CTNNA3: variants seen among roughly 807,000 people sequenced by gnomAD.
The protein encoded by CTNNA3 is catenin alpha 3.
Under a neutral mutation model 95.7 loss-of-function variants are expected in CTNNA3, and 76 were observed. The ratio of observed to expected loss-of-function variants is 0.79; its 90% CI spans 0.66 to 0.96. The LOEUF (loss-of-function observed/expected upper bound fraction) is 0.96, where lower values mean the gene tolerates loss of function less well. Ranked by LOEUF, CTNNA3 falls within the 40% of genes least tolerant of loss-of-function variation. The pLI, the probability that CTNNA3 is intolerant of heterozygous loss-of-function variation, is 0.00. For synonymous variants in CTNNA3, 431 were observed against 374.4 expected (o/e 1.15, Z -1.74); for missense variants, 1,191 against 1,089.8 (o/e 1.09, Z -1.31).
chr10:66,734,355 T>G (rs1318351659), intron 9 of CTNNA3, among the ~76,000 whole-genome samples: 1 of 152,116 alleles, frequency 6.6e-6, no homozygotes, highest in African/African-American at 2.4e-5. Flanking sequence ...CTTCCAGAAC[T>G]ATATAAAATA....
At chr10:66,738,561 G>A (rs1849223413) in intron 9 of CTNNA3, among the ~76,000 whole-genome samples, 1 of 152,156 alleles carries the variant, frequency 6.6e-6, no homozygotes, top group African/African-American at 2.4e-5. Flanking sequence ...TGTTTGCAAT[G>A]TTAGGACATC....
intron 5 of CTNNA3, among the ~76,000 whole-genome samples, chr10:67,264,196 A>AAGC (rs1424283383): frequency 6.6e-6 from 1 of 152,144 alleles, no homozygotes; most frequent in African/African-American, 2.4e-5. Context: ...ACCCATTTTT[A>AAGC]AGCAGCAGCA....
chr10:66,874,639 T>C (rs886186998), intron 7 of CTNNA3, among the ~76,000 whole-genome samples: 1 of 152,210 alleles, frequency 6.6e-6, no homozygotes, highest in African/African-American at 2.4e-5. Context: ...GTTTAGAATT[T>C]AAAGAATATT....
chr10:67,067,791 C>G (rs115885473), intron 7 of CTNNA3, among the ~76,000 whole-genome samples: 1,933 of 152,270 alleles, frequency 0.013, 45 homozygotes, highest in African/African-American at 0.044. Context: ...TCTGGGCACA[C>G]TATGTGCTGG....
intron 10 of CTNNA3, among the ~76,000 whole-genome samples, chr10:66,564,547 G>A (rs1177373011): frequency 1.3e-5 from 2 of 152,144 alleles, no homozygotes; most frequent in Non-Finnish European, 2.9e-5. Flanking sequence ...TGGCAAATAA[G>A]GAGTGCTAGA....
At chr10:67,761,688 C>T (rs983886653) in intron 1 of CTNNA3, among the ~76,000 whole-genome samples, 3 of 152,076 alleles carry the variant, frequency 2.0e-5, no homozygotes, top group African/African-American at 7.2e-5. Flanking sequence ...ACCATCCTGG[C>T]TAACACAGTG....
At position 65,915,249 on chromosome 10, in the gene CTNNA3, A is replaced by C. The variant is rs546630148; in HGVS notation, c.*5081T>G. The C allele has an allele frequency of 4.6e-5, 7 of 152,240 alleles. No homozygotes were observed. Among genetic ancestry groups the C allele is most frequent in the Non-Finnish European group, 1.0e-4 (7 of 67,992 alleles). The allele number at this position is 152,240 out of a possible 1,614,324, so 9.4% of individuals were successfully genotyped here. A position where few individuals can be genotyped will look rare whatever the true frequency, so the allele number is the denominator to read the frequency against. On this transcript the variant is annotated 3_prime_UTR_variant, in exon 18 of 18. Transcript: ENST00000433211. ...ATTTCTGTTTCTCAACTTGCAAACA[A>C]TATTACTAAATCATGCTCAAAATAT...
chr10:67,579,998 G>A (rs1480892035), intron 3 of CTNNA3, among the ~76,000 whole-genome samples: 1 of 152,172 alleles, frequency 6.6e-6, no homozygotes, highest in African/African-American at 2.4e-5. Flanking sequence ...CTCCCATTCT[G>A]TAGGTTGCCT....
At chr10:66,853,625 T>A (rs994310557) in intron 7 of CTNNA3, among the ~76,000 whole-genome samples, 1 of 152,084 alleles carries the variant, frequency 6.6e-6, no homozygotes. Context: ...GACTGTGTAA[T>A]CTCTAATAAG....
At chr10:67,530,571 T>A (rs1840296127) in intron 4 of CTNNA3, among the ~76,000 whole-genome samples, 1 of 152,160 alleles carries the variant, frequency 6.6e-6, no homozygotes, top group African/African-American at 2.4e-5. Flanking sequence ...AGAGGTGACT[T>A]GGGTACTGTT....
chr10:65,996,284 G>A (rs964871288), intron 15 of CTNNA3, among the ~76,000 whole-genome samples: 2 of 152,090 alleles, frequency 1.3e-5, no homozygotes, highest in Non-Finnish European at 2.9e-5. Context: ...TTCAAGTTCT[G>A]GGGAGCACAT....
chr10:67,517,944 T>A (rs558136955), intron 5 of CTNNA3, among the ~76,000 whole-genome samples: 137 of 152,250 alleles, frequency 9.0e-4, no homozygotes, highest in Non-Finnish European at 1.6e-3. Flanking sequence ...AGAAAATGGC[T>A]TATGAGAATA....
chr10:66,872,470 A>G (rs924646916), intron 7 of CTNNA3, among the ~76,000 whole-genome samples: 1 of 152,010 alleles, frequency 6.6e-6, no homozygotes, highest in Non-Finnish European at 1.5e-5. Flanking sequence ...GGAGTTCAAA[A>G]CCAGCCTGGC....
At chr10:65,989,914 C>G (rs560375327) in intron 15 of CTNNA3, among the ~76,000 whole-genome samples, 1 of 152,246 alleles carries the variant, frequency 6.6e-6, no homozygotes, top group South Asian at 2.1e-4. Context: ...ATTCTACTTT[C>G]CACCTCCATG....
At chr10:66,806,261 T>TG (rs1841635970) in intron 7 of CTNNA3, among the ~76,000 whole-genome samples, 4 of 143,958 alleles carry the variant, frequency 2.8e-5, no homozygotes, top group South Asian at 2.2e-4. Flanking sequence ...ATATTGGTGT[T>TG]TGTGTGTGTG....
At chr10:67,258,323 T>A (rs896074875) in intron 5 of CTNNA3, among the ~76,000 whole-genome samples, 1 of 152,090 alleles carries the variant, frequency 6.6e-6, no homozygotes, top group African/African-American at 2.4e-5. Context: ...TTTGTAATTT[T>A]AGTAGAGATG....
At chr10:66,920,291 T>C (rs1256488436) in intron 7 of CTNNA3, among the ~76,000 whole-genome samples, 2 of 152,166 alleles carry the variant, frequency 1.3e-5, no homozygotes, top group Non-Finnish European at 2.9e-5. Flanking sequence ...GTTTTATAAG[T>C]CCCATTTTGC....
At chr10:67,537,567 G>A (rs1302250984) in intron 4 of CTNNA3, among the ~76,000 whole-genome samples, 1 of 152,120 alleles carries the variant, frequency 6.6e-6, no homozygotes, top group Non-Finnish European at 1.5e-5. Flanking sequence ...CTAACTCCTA[G>A]TGGACACTCA....
At chr10:66,634,146 T>C (rs1040459365) in intron 9 of CTNNA3, among the ~76,000 whole-genome samples, 1 of 152,134 alleles carries the variant, frequency 6.6e-6, no homozygotes, top group African/African-American at 2.4e-5. Context: ...ATTTGGCTTA[T>C]TATAATAAAA....
Sources: gnomAD v4.1 joint callset for allele counts (sites outside exome capture counted in the v4.1 genomes callset) on GRCh38, gnomAD v4.1.1 for gene constraint, MANE v1.5 for transcripts, NCBI Gene and HGNC (gene_info 2026-07-23, HGNC 2026-07-21) for gene names.